KLF13: variants seen among roughly 807,000 people sequenced by gnomAD.
KLF13 encodes the protein KLF transcription factor 13.
KLF13 carries 8 observed loss-of-function variants against 16.7 expected under a neutral mutation model. The observed-to-expected ratio is 0.48, with a 90% CI of 0.28 to 0.87. The LOEUF (loss-of-function observed/expected upper bound fraction) is 0.87, where lower values mean the gene tolerates loss of function less well. KLF13 is among the 40% of genes least tolerant of loss of function. The pLI, the probability that KLF13 is intolerant of heterozygous loss-of-function variation, is 0.10. For missense variants in KLF13, 447 were observed against 452.2 expected (o/e 0.99, Z 0.10); for synonymous variants, 245 against 208.4 (o/e 1.18, Z -1.51).
At chr15:31,433,660 C>T (rs972883271) in intron 1 of KLF13, among the ~76,000 whole-genome samples, 1 of 151,876 alleles carries the variant, frequency 6.6e-6, no homozygotes, top group Non-Finnish European at 1.5e-5. Context: ...GACTATGGCA[C>T]CTTTGTGGGC....
chr15:31,361,197 C>T (rs938254117), intron 1 of KLF13, among the ~76,000 whole-genome samples: 8 of 152,274 alleles, frequency 5.3e-5, no homozygotes, highest in South Asian at 2.1e-4. Flanking sequence ...GTAGCCTCGC[C>T]GCACTGTGGG....
chr15:31,365,439 C>G (rs375951259), intron 1 of KLF13, among the ~76,000 whole-genome samples: 2 of 152,180 alleles, frequency 1.3e-5, no homozygotes, highest in African/African-American at 2.4e-5. Context: ...CTAGAGAAGA[C>G]CCAGCAGGAG....
intron 1 of KLF13, among the ~76,000 whole-genome samples, chr15:31,345,338 C>A (rs2039096810): frequency 6.6e-6 from 1 of 152,182 alleles, no homozygotes; most frequent in African/African-American, 2.4e-5. Context: ...GAGGGCAGGG[C>A]CTGTGGCTCC....
At position 31,339,270 on chromosome 15, in the gene KLF13, G is replaced by A. The variant is rs1367553816; in HGVS notation, c.577+11481G>A. Among the ~76,000 whole-genome samples the A allele has an allele frequency of 2.0e-5, 3 of 151,874 alleles. 1 individual carries two copies. Among genetic ancestry groups the A allele is most frequent in the South Asian group, 4.1e-4 (2 of 4,820 alleles). ...TTTTGATTTTTTTTTTTTTAAATTA[G>A]CAAGAATGACTAAGATACCAAAATG... On this transcript the variant is annotated intron_variant, in intron 1 of 1. Coordinates refer to ENST00000307145, the MANE Select transcript of KLF13 (RefSeq NM_015995.4).
In KLF13 at chr15:31,374,421, G is replaced by T. The variant is rs1413088016; in HGVS notation, c.*2122G>T. ...ACCTCCCTGCTTGCATTGGGTCTGG[G>T]AGAGAGAGTGGAATATTTGGTAGGG... On this transcript the variant is annotated 3_prime_UTR_variant, in exon 2 of 2. Transcript: ENST00000307145. The T allele has an allele frequency of 6.6e-6, 1 of 152,570 alleles. No individual in the cohort carries two copies. The highest frequency in any genetic ancestry group is 2.4e-5 in the African/African-American group (1 of 41,426). The allele number at this position is 152,570 out of a possible 1,614,324, so 9.5% of individuals were successfully genotyped here.
At chr15:31,349,265 A>ATGC (rs975644487) in intron 1 of KLF13, among the ~76,000 whole-genome samples, 13 of 152,306 alleles carry the variant, frequency 8.5e-5, no homozygotes, top group Admixed American at 7.2e-4. Flanking sequence ...ACCCAGGGCA[A>ATGC]TGCTGCTGCT....
intron 1 of KLF13, among the ~76,000 whole-genome samples, chr15:31,348,818 G>A (rs1375873108): frequency 6.6e-6 from 1 of 152,220 alleles, no homozygotes; most frequent in Non-Finnish European, 1.5e-5. Context: ...GAGGCTGGAA[G>A]TCCAAGATTA....
chr15:31,327,295 G>C lies in KLF13; in HGVS notation c.83G>C (p.Arg28Pro). The C allele has an allele frequency of 1.5e-6, 2 of 1,309,560 alleles. No homozygotes were observed. Among genetic ancestry groups the C allele is most frequent in the South Asian group, 2.0e-5 (1 of 50,458 alleles). The allele number at this position is 1,309,560 out of a possible 1,614,324, so 81.1% of individuals were successfully genotyped here. Residue 28 changes from arginine to proline, a missense_variant, in exon 1 of 2, where the codon CGG becomes CCG. Around this residue, in one of 2 missense-constraint regions of KLF13, gnomAD observed 359 missense variants for 282.8 expected, o/e 1.27. Transcript: ENST00000307145. ...MSSRAVVHGP[R>P]EGPESRPEGA... The stretch of plus-strand genomic sequence containing the variant: ...AGCCGCGCGGTCGTGCACGGGCCGC[G>C]GGAGGGGCCGGAGTCCCGGCCCGAG...
intron 1 of KLF13, among the ~76,000 whole-genome samples, chr15:31,423,095 A>G (rs939988608): frequency 2.9e-5 from 4 of 139,430 alleles, no homozygotes; most frequent in African/African-American, 1.1e-4. Flanking sequence ...ATATACGTAT[A>G]TATACGTATA....
upstream of KLF13, among the ~76,000 whole-genome samples, chr15:31,388,466 T>G (rs1446198024): frequency 1.3e-5 from 2 of 151,748 alleles, no homozygotes; most frequent in East Asian, 3.9e-4. Flanking sequence ...AATACAAAAT[T>G]AGCCGGGTGC....
At chr15:31,379,441 A>G (rs1225039217), downstream of KLF13, among the ~76,000 whole-genome samples, 1 of 151,448 alleles carries the variant, frequency 6.6e-6, no homozygotes, top group Non-Finnish European at 1.5e-5. Context: ...AAAAATATTG[A>G]CAGGAAAAAA....
At chr15:31,362,603 A>AT (rs1188823171) in intron 1 of KLF13, among the ~76,000 whole-genome samples, 1 of 152,130 alleles carries the variant, frequency 6.6e-6, no homozygotes, top group South Asian at 2.1e-4. Context: ...TTTGCTATGG[A>AT]TTTTTTGTTT....
chr15:31,360,691 C>A (rs528326671), intron 1 of KLF13, among the ~76,000 whole-genome samples: 2 of 152,116 alleles, frequency 1.3e-5, no homozygotes, highest in Admixed American at 1.3e-4. Context: ...AAAAACAGAC[C>A]GTTGTCTAAT....
At chr15:31,356,557 A>ATC (rs1455498727) in intron 1 of KLF13, among the ~76,000 whole-genome samples, 2 of 152,228 alleles carry the variant, frequency 1.3e-5, no homozygotes, top group Non-Finnish European at 2.9e-5. Flanking sequence ...GTCTCAAAAA[A>ATC]TAAGTGAGAA....
intron 1 of KLF13, among the ~76,000 whole-genome samples, chr15:31,359,779 T>G (rs189128400): frequency 1.3e-5 from 2 of 152,302 alleles, no homozygotes; most frequent in East Asian, 3.9e-4. Context: ...CAGCTCACAT[T>G]GGTGGTTCAG....
chr15:31,423,141 ATACG>A lies in KLF13; in HGVS notation n.118-12226_118-12223del, dbSNP rs1230919841. Among the ~76,000 whole-genome samples, 6 of 105,144 alleles carry A rather than the reference ATACG, an allele frequency of 5.7e-5. 2 individuals are homozygous for A. The highest frequency in any genetic ancestry group is 4.7e-4 in the East Asian group (2 of 4,272). 69.0% of individuals were successfully genotyped at this position (105,144 alleles called of 152,430 possible). On this transcript the variant is annotated intron_variant and non_coding_transcript_variant, in intron 1 of 1. Coordinates refer to the KLF13 transcript ENST00000558225. Reference sequence around the variant, plus strand: ...TATATACGTATATATACGTATACGTATACGTATATATACGTATATATATGTATAT... The same window carrying A: ...TATATACGTATATATACGTATACGTATATATATACGTATATATATGTATAT...
At chr15:31,353,308 G>C (rs1049381992) in intron 1 of KLF13, among the ~76,000 whole-genome samples, 20 of 152,198 alleles carry the variant, frequency 1.3e-4, no homozygotes, top group Non-Finnish European at 1.5e-5. Flanking sequence ...CACGTTAAGT[G>C]CGTGGGAAAC....
rs532771061 is a variant in KLF13, at chr15:31,383,730, T to C, written n.224-51640T>C. Among the ~76,000 whole-genome samples the C allele has an allele frequency of 4.2e-3, 631 of 151,766 alleles. 12 individuals are homozygous for C. Among genetic ancestry groups the C allele is most frequent in the African/African-American group, 0.013 (551 of 41,414 alleles). On this transcript the variant is annotated intron_variant and non_coding_transcript_variant, in intron 1 of 1. Transcript: ENST00000558921. ...CCTGGCTAACACGGTGAAACCCCGTTTCTACTAAAAATGCAAAAAAAATTA... is the reference window on the plus strand; with the variant it reads ...CCTGGCTAACACGGTGAAACCCCGTCTCTACTAAAAATGCAAAAAAAATTA...
At position 31,372,303 on chromosome 15, in the gene KLF13, C is replaced by G; in HGVS notation, c.*4C>G. 6 of 1,468,490 alleles carry G rather than the reference C, an allele frequency of 4.1e-6. No individual in the cohort carries two copies. The highest frequency in any genetic ancestry group is 5.4e-6 in the Non-Finnish European group (6 of 1,114,012). 91.0% of individuals were successfully genotyped at this position (1,468,490 alleles called of 1,614,324 possible). On this transcript the variant is annotated 3_prime_UTR_variant, in exon 2 of 2. Transcript: ENST00000307145. ...CAGCCCGGCCAGCTCGCCCTGAGCC[C>G]GCCACAGCCATGAGCAGCCGCTCCC...
Sources: gnomAD v4.1 joint callset for allele counts (sites outside exome capture counted in the v4.1 genomes callset) on GRCh38, gnomAD v4.1.1 for gene constraint, gnomAD v4.1.1 regional missense constraint, MANE v1.5 for transcripts, NCBI Gene and HGNC (gene_info 2026-07-23, HGNC 2026-07-21) for gene names.